The following CCDC6 variants were observed in gnomAD, a reference collection of about 807,000 sequenced individuals.
CCDC6 encodes the protein coiled-coil domain containing 6, also known as coiled-coil domain-containing protein 6.
Under a neutral mutation model 56.6 loss-of-function variants are expected in CCDC6, and 20 were observed. That is an observed-to-expected ratio of 0.35 (90% CI 0.25 to 0.51). CCDC6 has a LOEUF of 0.51. CCDC6 is among the 20% of genes least tolerant of loss of function. The pLI is 0.95. For missense variants in CCDC6, 367 were observed against 601.1 expected (o/e 0.61, Z 4.07); for synonymous variants, 241 against 234.4 (o/e 1.03, Z -0.26).
chr10:59,867,301 C>G (rs1468765891), intron 1 of CCDC6, among the ~76,000 whole-genome samples: 3 of 152,168 alleles, frequency 2.0e-5, no homozygotes, highest in Admixed American at 6.5e-5. Context: ...GCCTGAAAAA[C>G]TGATTCAGGC....
chr10:59,806,176 G>A (rs552411249), intron 6 of CCDC6, among the ~76,000 whole-genome samples: 3 of 152,266 alleles, frequency 2.0e-5, no homozygotes, highest in South Asian at 4.1e-4. Context: ...TCTAACTTCT[G>A]GGTTTCTCTG....
At chr10:59,859,308 G>A (rs1342879499) in intron 1 of CCDC6, among the ~76,000 whole-genome samples, 1 of 151,508 alleles carries the variant, frequency 6.6e-6, no homozygotes, top group African/African-American at 2.4e-5. Flanking sequence ...CTATAAATAA[G>A]TTATAGCAGA....
rs764682297 is a variant in CCDC6, at chr10:59,832,681, G to T, written c.454-28C>A. On this transcript the variant is annotated intron_variant, in intron 2 of 8. Transcript: ENST00000263102. ...GGAAAATGAAAAACACCGAGATGTG[G>T]AAATCAGGCAACTCAAATGCCATGG... 1.4e-5 allele frequency: 23 copies of T among 1,607,600 alleles called. No homozygotes were observed. The Admixed American group carries it at 2.6e-4, about 18-fold the overall frequency.
At chr10:59,874,123 A>ACACACG (rs2071257245) in intron 1 of CCDC6, among the ~76,000 whole-genome samples, 1 of 143,624 alleles carries the variant, frequency 7.0e-6, no homozygotes, top group Admixed American at 7.0e-5. Context: ...TAGCAAACAC[A>ACACACG]CACACACACA....
In CCDC6 at chr10:59,824,480, C is replaced by T. The variant is rs1489051832; in HGVS notation, c.582+8045G>A. Among the ~76,000 whole-genome samples the T allele has an allele frequency of 2.6e-5, 4 of 152,306 alleles. No individual in the cohort carries two copies. The East Asian group carries it at 5.8e-4, about 22-fold the overall frequency. The stretch of plus-strand genomic sequence containing the variant: ...GGACAAGCAGTGGGTGGGATGAATG[C>T]ACCCAAGCTTCTCAGGCAACTGAAA... On this transcript the variant is annotated intron_variant, in intron 3 of 8. Transcript: ENST00000263102.
At chr10:59,797,409 C>T (rs12414822) in intron 7 of CCDC6, among the ~76,000 whole-genome samples, 13,571 of 151,204 alleles carry the variant, frequency 0.09, 1,014 homozygotes, top group African/African-American at 0.2. Flanking sequence ...CAAACCCTGT[C>T]AGGAATTCAA....
intron 3 of CCDC6, among the ~76,000 whole-genome samples, chr10:59,827,024 A>G (rs184076324): frequency 2.0e-5 from 3 of 152,330 alleles, no homozygotes; most frequent in Admixed American, 2.0e-4. Flanking sequence ...TGAATGTTAC[A>G]AGAGTAGTTC....
chr10:59,861,369 A>G (rs78032635), intron 1 of CCDC6, among the ~76,000 whole-genome samples: 6,702 of 149,996 alleles, frequency 0.045, 232 homozygotes, highest in African/African-American at 0.084. Flanking sequence ...AGAAAACAAA[A>G]TAATTTACCT....
intron 5 of CCDC6, among the ~76,000 whole-genome samples, chr10:59,812,364 G>C (rs150347551): frequency 7.1e-4 from 107 of 151,738 alleles, no homozygotes; most frequent in Non-Finnish European, 1.2e-3. Context: ...TGGCAGAGAA[G>C]ATTAAAAATG....
chr10:59,855,509 T>C (rs771321553), intron 1 of CCDC6, among the ~76,000 whole-genome samples: 13 of 152,182 alleles, frequency 8.5e-5, no homozygotes, highest in Non-Finnish European at 1.6e-4. Context: ...GAGATTGCAG[T>C]GAGCCAAGAT....
chr10:59,906,382 C>T lies in CCDC6; in HGVS notation c.43G>A (p.Gly15Ser), dbSNP rs1249799983. The change falls in exon 1 of 9, where the codon GGC becomes AGC. Residue 15 changes from glycine to serine, a missense_variant. Gly to Ser is a moderately conservative substitution (Grantham distance 56). This residue lies in a region of CCDC6 where 79 missense variants were observed against 74.9 expected (regional missense o/e 1.05). Coordinates refer to ENST00000263102, the MANE Select transcript of CCDC6 (RefSeq NM_005436.5). The stretch of plus-strand genomic sequence containing the variant: ...ATGGCGGCCGAGCTGCTGCTGTTGC[C>T]CCCCGCCCCGTCCGTGTCGCTCTCG... Reference protein sequence around the residue: ...ASESDTDGAGGNSSSSAAMQS... With the variant: ...ASESDTDGAGSNSSSSAAMQS... The T allele has an allele frequency of 5.0e-6, 8 of 1,587,694 alleles. No homozygotes were observed. The highest frequency in any genetic ancestry group is 1.1e-5 in the South Asian group (1 of 89,972).
intron 1 of CCDC6, among the ~76,000 whole-genome samples, chr10:59,900,982 T>C (rs1193600564): frequency 6.6e-6 from 1 of 152,006 alleles, no homozygotes; most frequent in Non-Finnish European, 1.5e-5. Flanking sequence ...CACTTGAACC[T>C]GGGGGGCAGA....
intron 1 of CCDC6, among the ~76,000 whole-genome samples, chr10:59,883,873 A>G (rs1381040086): frequency 1.3e-5 from 2 of 152,204 alleles, no homozygotes; most frequent in Admixed American, 6.5e-5. Flanking sequence ...TATTGTTGTC[A>G]GAGTTCAAAA....
intron 7 of CCDC6, among the ~76,000 whole-genome samples, chr10:59,799,276 C>CA (rs1459362504): frequency 6.6e-5 from 10 of 151,788 alleles, no homozygotes; most frequent in African/African-American, 1.7e-4. Context: ...ACTAAAAATA[C>CA]AAAAAATTAG....
At chr10:59,829,291 G>A (rs920230639) in intron 3 of CCDC6, among the ~76,000 whole-genome samples, 2 of 152,248 alleles carry the variant, frequency 1.3e-5, no homozygotes, top group Non-Finnish European at 2.9e-5. Context: ...ATCTCTGGCA[G>A]AATGCCTTCC....
At chr10:59,888,959 T>C (rs555112257) in intron 1 of CCDC6, among the ~76,000 whole-genome samples, 16 of 152,080 alleles carry the variant, frequency 1.1e-4, no homozygotes, top group Non-Finnish European at 2.2e-4. Context: ...GGCCACGAGA[T>C]AAGGCCTCTA....
chr10:59,842,573 T>C (rs984801461), intron 2 of CCDC6, among the ~76,000 whole-genome samples: 2 of 152,204 alleles, frequency 1.3e-5, no homozygotes, highest in African/African-American at 4.8e-5. Flanking sequence ...TGCATTGTCC[T>C]TTTAATATAT....
At chr10:59,904,969 A>G (rs971484535) in intron 1 of CCDC6, among the ~76,000 whole-genome samples, 4 of 152,172 alleles carry the variant, frequency 2.6e-5, no homozygotes, top group South Asian at 2.1e-4. Flanking sequence ...CTCTATCCCC[A>G]AATTCATCCC....
chr10:59,898,391 A>C (rs990241855), intron 1 of CCDC6, among the ~76,000 whole-genome samples: 4 of 152,260 alleles, frequency 2.6e-5, no homozygotes, highest in African/African-American at 9.6e-5. Context: ...AAGCTAATTA[A>C]ACTGTGAATG....
Sources: gnomAD v4.1 joint callset for allele counts (sites outside exome capture counted in the v4.1 genomes callset) on GRCh38, gnomAD v4.1.1 for gene constraint, gnomAD v4.1.1 regional missense constraint, MANE v1.5 for transcripts, NCBI Gene and HGNC (gene_info 2026-07-23, HGNC 2026-07-21) for gene names.